SLC18B1: variants seen among roughly 807,000 people sequenced by gnomAD.
SLC18B1 encodes solute carrier family 18 member B1.
A neutral mutation model predicts 53.9 loss-of-function variants in SLC18B1; 62 were observed. That is an observed-to-expected ratio of 1.15 (90% confidence interval 0.94 to 1.42). The LOEUF (loss-of-function observed/expected upper bound fraction) is 1.42. Ranked by LOEUF, SLC18B1 falls within the 40% of genes most tolerant of loss-of-function variation. The pLI, the probability that SLC18B1 is intolerant of heterozygous loss-of-function variation, is 0.00. For synonymous variants in SLC18B1, 217 were observed against 200.9 expected (o/e 1.08, Z -0.68); for missense variants, 598 against 547.3 (o/e 1.09, Z -0.93).
intron 2 of SLC18B1, among the ~76,000 whole-genome samples, chr6:132,795,210 C>T (rs1781643614): frequency 6.6e-6 from 1 of 151,720 alleles, no homozygotes; most frequent in South Asian, 2.1e-4. Context: ...ACATCCTTTT[C>T]TTAAGGGATA....
At chr6:132,778,523 C>T (rs1245809422) in intron 7 of SLC18B1, among the ~76,000 whole-genome samples, 1 of 151,988 alleles carries the variant, frequency 6.6e-6, no homozygotes, top group African/African-American at 2.4e-5. Context: ...TGGAAATGAC[C>T]ATATTAAGCA....
rs117689731 is a variant in SLC18B1, at chr6:132,789,560, G to A, written c.353+204C>T. 4.3e-4 allele frequency: 202 copies of A among 471,748 alleles called. 1 individual carries two copies. In the East Asian group the frequency reaches 5.9e-3, roughly 14 times the overall value. The allele number at this position is 471,748 out of a possible 1,614,324, so 29.2% of individuals were successfully genotyped here. A position where few individuals can be genotyped will look rare whatever the true frequency, so the allele number is the denominator to read the frequency against. On this transcript the variant is annotated intron_variant, in intron 4 of 13. Coordinates refer to ENST00000275227, the MANE Select transcript of SLC18B1 (RefSeq NM_052831.3). ...GAGTAGGTTCAGTAGCAAGCATCAC[G>A]GAGATCCCCCGGAGGCCTGTTTCCT...
intron 2 of SLC18B1, among the ~76,000 whole-genome samples, chr6:132,792,299 G>GAAA (rs1781561054): frequency 1.2e-5 from 1 of 81,836 alleles, no homozygotes. Context: ...AAGGAAGGAA[G>GAAA]GAAGGAAGGA....
intron 8 of SLC18B1, among the ~76,000 whole-genome samples, chr6:132,775,706 G>C (rs1781082592): frequency 6.6e-6 from 1 of 152,006 alleles, no homozygotes; most frequent in Admixed American, 6.6e-5. Context: ...GTTTTGTTTT[G>C]CTTTTCTTTT....
chr6:132,776,583 G>A lies in SLC18B1; in HGVS notation c.796-154C>T, dbSNP rs568497322. ...ATTTTCATCTTACCTTTGAAAATGCGTTACTTTTTCTCTCTATGGGAGGAC... is the reference window on the plus strand; with the variant it reads ...ATTTTCATCTTACCTTTGAAAATGCATTACTTTTTCTCTCTATGGGAGGAC... On this transcript the variant is annotated intron_variant, in intron 7 of 13. Coordinates refer to ENST00000275227, the MANE Select transcript of SLC18B1 (RefSeq NM_052831.3). 1.1e-4 allele frequency among the ~76,000 whole-genome samples: 16 copies of A among 152,092 alleles called. No homozygotes were observed. The Middle Eastern group carries it at 0.01, about 97-fold the overall frequency.
chr6:132,796,875 A>G, intron 2 of SLC18B1, 107 bp downstream of exon 2: 5 of 1,205,072 alleles, frequency 4.1e-6, no homozygotes, highest in Non-Finnish European at 5.6e-6. Flanking sequence ...TCTGTCCTAT[A>G]TGCAGATTTT....
chr6:132,773,757 T>C (rs1781036082), intron 9 of SLC18B1, among the ~76,000 whole-genome samples: 1 of 152,128 alleles, frequency 6.6e-6, no homozygotes, highest in African/African-American at 2.4e-5. Flanking sequence ...TCTAAGAAGT[T>C]CAGTTTATTT....
intron 2 of SLC18B1, among the ~76,000 whole-genome samples, chr6:132,794,849 G>T (rs1562272857): frequency 6.6e-6 from 1 of 151,932 alleles, no homozygotes; most frequent in East Asian, 1.9e-4. Flanking sequence ...ACTAAAAATA[G>T]AAAAAAATAG....
At chr6:132,771,406 T>C (rs919966351) in intron 11 of SLC18B1, among the ~76,000 whole-genome samples, 2 of 152,228 alleles carry the variant, frequency 1.3e-5, no homozygotes, top group African/African-American at 2.4e-5. Context: ...AAAAATTCTT[T>C]ATATTATTCT....
At chr6:132,780,339 T>C (rs901510279) in intron 6 of SLC18B1, among the ~76,000 whole-genome samples, 2 of 152,024 alleles carry the variant, frequency 1.3e-5, no homozygotes, top group Admixed American at 1.3e-4. Context: ...CCTAAAGCGA[T>C]CCTCCCACCT....
chr6:132,774,405 A>T, intron 8 of SLC18B1, 92 bp from the exon 9 acceptor site: 1 of 975,758 alleles, frequency 1.0e-6, no homozygotes, highest in Middle Eastern at 2.2e-4. Flanking sequence ...AACACAAATC[A>T]TGATATTCAA....
chr6:132,790,050 C>G, intron 3 of SLC18B1, 127 bp downstream of exon 3: 1 of 796,072 alleles, frequency 1.3e-6, no homozygotes. Context: ...ACTGTCAACA[C>G]TGGCACAATT....
chr6:132,781,123 GAAGT>G (rs1781224674), intron 6 of SLC18B1, among the ~76,000 whole-genome samples: 1 of 152,114 alleles, frequency 6.6e-6, no homozygotes, highest in African/African-American at 2.4e-5. Context: ...GTGAAAGTAA[GAAGT>G]ATTATGTATT....
At chr6:132,785,494 T>C (rs75682374) in intron 5 of SLC18B1, among the ~76,000 whole-genome samples, 2,232 of 152,198 alleles carry the variant, frequency 0.015, 53 homozygotes, top group African/African-American at 0.048. Flanking sequence ...CCTTATAGAG[T>C]ACACAAAAAT....
chr6:132,794,228 TGAGTA>T, intron 2 of SLC18B1, among the ~76,000 whole-genome samples: 1 of 151,632 alleles, frequency 6.6e-6, no homozygotes, highest in Non-Finnish European at 1.5e-5. Context: ...CTCAGCCTCC[TGAGTA>T]GCTGGGACTA....
chr6:132,775,191 A>T (rs888301439), intron 8 of SLC18B1, among the ~76,000 whole-genome samples: 1 of 152,232 alleles, frequency 6.6e-6, no homozygotes, highest in Non-Finnish European at 1.5e-5. Flanking sequence ...GGTTAAAGTG[A>T]AAGATGACAA....
At chr6:132,792,291 G>GAAA (rs1562271470) in intron 2 of SLC18B1, among the ~76,000 whole-genome samples, 26 of 67,046 alleles carry the variant, frequency 3.9e-4, no homozygotes, top group South Asian at 2.1e-3. Context: ...AAGGAAGAAA[G>GAAA]GAAGGAAGGA....
chr6:132,778,422 G>A (rs979823503), intron 7 of SLC18B1, among the ~76,000 whole-genome samples: 8 of 152,102 alleles, frequency 5.3e-5, no homozygotes, highest in African/African-American at 1.9e-4. Flanking sequence ...ACCCCAAACT[G>A]TCTTCAGTGA....
intron 9 of SLC18B1, 148 bp from the exon 10 acceptor site, chr6:132,773,236 C>G (rs915335953): frequency 3.1e-6 from 1 of 320,864 alleles, no homozygotes; most frequent in African/African-American, 2.6e-5. Flanking sequence ...CCATCTAACC[C>G]ATTTCATTCA....
Sources: gnomAD v4.1 joint callset for allele counts (sites outside exome capture counted in the v4.1 genomes callset) on GRCh38, gnomAD v4.1.1 for gene constraint, MANE v1.5 for transcripts, NCBI Gene and HGNC (gene_info 2026-07-23, HGNC 2026-07-21) for gene names.